ENOX1: variants seen among roughly 807,000 people sequenced by gnomAD.
The protein encoded by ENOX1 is ecto-NOX disulfide-thiol exchanger 1.
In ENOX1, 42 loss-of-function variants were observed where a neutral mutation model predicts 82.5. That is an observed-to-expected ratio of 0.51 (90% confidence interval 0.40 to 0.66). The LOEUF (loss-of-function observed/expected upper bound fraction) is 0.66. Ranked by LOEUF, ENOX1 falls within the 30% of genes least tolerant of loss-of-function variation. The pLI is 0.00. For synonymous variants in ENOX1, 271 were observed against 282.2 expected (o/e 0.96, Z 0.40); for missense variants, 608 against 811.6 (o/e 0.75, Z 3.05).
chr13:43,631,602 A>G, intron 2 of ENOX1, among the ~76,000 whole-genome samples: 1 of 152,226 alleles, frequency 6.6e-6, no homozygotes, highest in East Asian at 1.9e-4. Flanking sequence ...CCTGTCTGCT[A>G]ATTAATTTTA....
At chr13:43,489,247 G>A (rs762911047) in intron 2 of ENOX1, among the ~76,000 whole-genome samples, 32 of 152,112 alleles carry the variant, frequency 2.1e-4, no homozygotes, top group Non-Finnish European at 4.0e-4. Flanking sequence ...CAGGGTGCCT[G>A]GGGGATCTGG....
At chr13:43,725,424 T>C (rs990911077) in intron 1 of ENOX1, among the ~76,000 whole-genome samples, 6 of 152,248 alleles carry the variant, frequency 3.9e-5, no homozygotes, top group Admixed American at 3.9e-4. Context: ...GTAGTAGTGT[T>C]ATTCTTTTGT....
intron 12 of ENOX1, among the ~76,000 whole-genome samples, chr13:43,289,909 C>G (rs1327559443): frequency 1.3e-5 from 2 of 152,084 alleles, no homozygotes; most frequent in East Asian, 1.9e-4. Flanking sequence ...AAAAAATGGA[C>G]AAGGCACATG....
At chr13:43,666,556 G>A (rs1413193910) in intron 2 of ENOX1, among the ~76,000 whole-genome samples, 2 of 152,182 alleles carry the variant, frequency 1.3e-5, no homozygotes, top group African/African-American at 4.8e-5. Context: ...CCAGAAGGTA[G>A]AAGAAAGGCC....
chr13:43,670,370 T>C (rs2085200277), intron 1 of ENOX1, among the ~76,000 whole-genome samples: 1 of 152,174 alleles, frequency 6.6e-6, no homozygotes, highest in Non-Finnish European at 1.5e-5. Context: ...ATTTTCAACA[T>C]ATGAACTATG....
At chr13:43,415,715 CA>C (rs942156026) in intron 3 of ENOX1, among the ~76,000 whole-genome samples, 2 of 151,896 alleles carry the variant, frequency 1.3e-5, no homozygotes, top group Non-Finnish European at 2.9e-5. Context: ...TTCTTTTTGA[CA>C]AAACCGCCAT....
chr13:43,526,305 C>G (rs1355313061), intron 2 of ENOX1, among the ~76,000 whole-genome samples: 1 of 152,094 alleles, frequency 6.6e-6, no homozygotes, highest in Non-Finnish European at 1.5e-5. Flanking sequence ...GGACTAGTCA[C>G]TTTTTCATCA....
At chr13:43,469,402 A>G (rs889388319) in intron 3 of ENOX1, among the ~76,000 whole-genome samples, 3 of 152,008 alleles carry the variant, frequency 2.0e-5, no homozygotes, top group African/African-American at 7.2e-5. Context: ...ATTAATAAAG[A>G]ATAGTGGTCT....
Position 43,360,035 on chromosome 13 carries a change from T to C in ENOX1, c.405A>G (p.Arg135=). ...CGGTCTTACACCCAGGAGGTCGTTC[T>C]CTTGTGGAAGGAGGTGGAAGATCTA... ...QNPNLPPPST[R]ERPPGCKTVF... The change falls in exon 7 of 17, where the codon AGA becomes AGG. Residue 135 remains arginine (R), a synonymous_variant. Coordinates refer to ENST00000690772, the MANE Select transcript of ENOX1 (RefSeq NM_001347969.2). 1 of 1,614,222 alleles carries C rather than the reference T, an allele frequency of 6.2e-7. No individual in the cohort carries two copies. Among genetic ancestry groups the C allele is most frequent in the African/African-American group, 1.3e-5 (1 of 75,072 alleles).
At chr13:43,543,022 T>A (rs757355156) in intron 2 of ENOX1, among the ~76,000 whole-genome samples, 2 of 152,122 alleles carry the variant, frequency 1.3e-5, no homozygotes, top group Non-Finnish European at 2.9e-5. Context: ...AATACCATCA[T>A]CTTAGGGGTG....
At chr13:43,784,737 AACAC>A (rs1169454311) in intron 1 of ENOX1, among the ~76,000 whole-genome samples, 1 of 152,252 alleles carries the variant, frequency 6.6e-6, no homozygotes, top group African/African-American at 2.4e-5. Flanking sequence ...CAAATAAAAT[AACAC>A]ACAGTGTACT....
At chr13:43,329,741 A>G (rs1474422719) in intron 9 of ENOX1, among the ~76,000 whole-genome samples, 1 of 152,156 alleles carries the variant, frequency 6.6e-6, no homozygotes, top group Admixed American at 6.5e-5. Context: ...CAAAAACAAA[A>G]CAAAATAAAA....
rs549455916 is a variant in ENOX1 at position 43,733,523 on chromosome 13, T to C, written c.-285+53129A>G. On this transcript the variant is annotated intron_variant, in intron 1 of 16. Transcript: ENST00000690772. ...CGATTTATCCTCAACTTTGTCTGAA[T>C]GCTCCATAGAAAAAGACCTAGTTTT... Among the ~76,000 whole-genome samples, 5 of 152,344 alleles carry C rather than the reference T, an allele frequency of 3.3e-5. No homozygotes were observed. The South Asian group carries it at 6.2e-4, about 19-fold the overall frequency.
intron 1 of ENOX1, among the ~76,000 whole-genome samples, chr13:43,670,009 C>T (rs2085179589): frequency 6.6e-6 from 1 of 152,110 alleles, no homozygotes. Flanking sequence ...TCTTCTGTTA[C>T]TCTTATTCCT....
intron 1 of ENOX1, among the ~76,000 whole-genome samples, chr13:43,728,793 T>C (rs1232406094): frequency 1.3e-5 from 2 of 152,190 alleles, no homozygotes; most frequent in Non-Finnish European, 2.9e-5. Context: ...TAACCTTTGT[T>C]CTATAAAACA....
At chr13:43,635,231 AGTG>A (rs2083369673) in intron 2 of ENOX1, among the ~76,000 whole-genome samples, 1 of 152,254 alleles carries the variant, frequency 6.6e-6, no homozygotes, top group African/African-American at 2.4e-5. Context: ...GTAAGTAATC[AGTG>A]GGAAATGGAA....
chr13:43,476,414 CAA>C (rs952559244), intron 3 of ENOX1, among the ~76,000 whole-genome samples: 1 of 151,864 alleles, frequency 6.6e-6, no homozygotes, highest in Non-Finnish European at 1.5e-5. Flanking sequence ...GGTTCTGAAA[CAA>C]AGAGACAAAA....
At chr13:43,638,404 GT>G (rs58106719) in intron 2 of ENOX1, among the ~76,000 whole-genome samples, 103,606 of 149,760 alleles carry the variant, frequency 0.69, 35,952 homozygotes, top group East Asian at 0.95. Flanking sequence ...AGTGTCTAGG[GT>G]TTTTTTTTTT....
At chr13:43,363,310 T>C (rs971373742) in intron 5 of ENOX1, among the ~76,000 whole-genome samples, 1 of 152,166 alleles carries the variant, frequency 6.6e-6, no homozygotes, top group Admixed American at 6.5e-5. Flanking sequence ...AGGGCCCAGG[T>C]CTTTGCCTCA....
Sources: gnomAD v4.1 joint callset for allele counts (sites outside exome capture counted in the v4.1 genomes callset) on GRCh38, gnomAD v4.1.1 for gene constraint, MANE v1.5 for transcripts, NCBI Gene and HGNC (gene_info 2026-07-23, HGNC 2026-07-21) for gene names.